CLASP1: variants seen among roughly 807,000 people sequenced by gnomAD.
The protein encoded by CLASP1 is cytoplasmic linker associated protein 1.
In CLASP1, 38 loss-of-function variants were observed where a neutral mutation model predicts 192.3. That is an observed-to-expected ratio of 0.20 (90% CI 0.15 to 0.26). The LOEUF (loss-of-function observed/expected upper bound fraction) is 0.26. CLASP1 is among the 10% of genes least tolerant of loss of function. The probability of loss-of-function intolerance (pLI) is 1.00; values close to 1 mark genes in which losing one functional copy is unlikely to be tolerated. For missense variants in CLASP1, 1,433 were observed against 1,932.5 expected (o/e 0.74, Z 4.85); for synonymous variants, 691 against 712.8 (o/e 0.97, Z 0.49).
chr2:121,494,263 C>A (rs141393389), intron 8 of CLASP1, among the ~76,000 whole-genome samples: 1 of 152,148 alleles, frequency 6.6e-6, no homozygotes, highest in Non-Finnish European at 1.5e-5. Context: ...CAGTACTATT[C>A]AGCCATAAAA....
chr2:121,500,344 AAAAGAAAGAAAGAAAGAAAGAAAG>A lies in CLASP1; in HGVS notation c.712+2799_712+2822del, dbSNP rs201022141. The stretch of plus-strand genomic sequence containing the variant: ...AGGAAGAGAAAGAAGGAAAGAAAGA[AAAAGAAAGAAAGAAAGAAAGAAAG>A]AAAGAAAGAAAGAAAGAAAGAAAGA... On this transcript the variant is annotated intron_variant, in intron 8 of 39. Transcript: ENST00000263710. 2.3e-3 allele frequency among the ~76,000 whole-genome samples: 270 copies of A among 119,304 alleles called. 2 individuals carry two copies. Among genetic ancestry groups the A allele is most frequent in the African/African-American group, 3.8e-3 (120 of 31,436 alleles). The allele number at this position is 119,304 out of a possible 152,430, so 78.3% of individuals were successfully genotyped here. A position where few individuals can be genotyped will look rare whatever the true frequency, so the allele number is the denominator to read the frequency against.
chr2:121,413,570 CTG>C (rs2078077761), intron 23 of CLASP1, among the ~76,000 whole-genome samples: 1 of 152,174 alleles, frequency 6.6e-6, no homozygotes, highest in Non-Finnish European at 1.5e-5. Flanking sequence ...GGTTTGCAGG[CTG>C]CAAAGGATAC....
At chr2:121,534,890 A>G (rs957427575) in intron 2 of CLASP1, among the ~76,000 whole-genome samples, 1 of 152,214 alleles carries the variant, frequency 6.6e-6, no homozygotes, top group Non-Finnish European at 1.5e-5. Context: ...CCAGTCACAC[A>G]GGACAAAGTG....
At chr2:121,423,177 A>G (rs1183826136) in intron 22 of CLASP1, among the ~76,000 whole-genome samples, 2 of 152,142 alleles carry the variant, frequency 1.3e-5, no homozygotes, top group Non-Finnish European at 2.9e-5. Flanking sequence ...ATTTAAAGAA[A>G]ATATCTTCTT....
intron 36 of CLASP1, 99 bp downstream of exon 37, chr2:121,364,990 AAGCAC>A: frequency 9.5e-7 from 1 of 1,058,138 alleles, no homozygotes; most frequent in Non-Finnish European, 1.4e-6. Flanking sequence ...TGTAAACAGT[AAGCAC>A]AACCCAGAAA....
intron 1 of CLASP1, among the ~76,000 whole-genome samples, chr2:121,644,045 AAC>A (rs2106356266): frequency 6.6e-6 from 1 of 152,296 alleles, no homozygotes; most frequent in Non-Finnish European, 1.5e-5. Flanking sequence ...TTACCGACTT[AAC>A]ACATACCAGT....
intron 34 of CLASP1, among the ~76,000 whole-genome samples, chr2:121,371,200 A>AGTGTGTGTGT (rs60214641): frequency 1.3e-5 from 2 of 150,348 alleles, no homozygotes; most frequent in Non-Finnish European, 3.0e-5. Flanking sequence ...GCACATATTA[A>AGTGTGTGTGT]GTGTGTGTGT....
Position 121,529,388 on chromosome 2 carries a change from G to C in CLASP1, c.275-608C>G, listed in dbSNP as rs546317146. Among the ~76,000 whole-genome samples the C allele has an allele frequency of 1.8e-4, 27 of 152,262 alleles. No individual in the cohort carries two copies. The South Asian group carries it at 5.6e-3, about 32-fold the overall frequency. The stretch of plus-strand genomic sequence containing the variant: ...ATCCCTGAATAATTCAGCTAATTTA[G>C]GAGGAAAATGGAACACTATTAAAAT... On this transcript the variant is annotated intron_variant, in intron 3 of 39. Transcript: ENST00000263710.
chr2:121,449,308 T>C (rs1050347092), intron 16 of CLASP1, among the ~76,000 whole-genome samples, 188 bp from the exon 17 acceptor site: 2 of 152,212 alleles, frequency 1.3e-5, no homozygotes, highest in African/African-American at 2.4e-5. Context: ...TACTGTCTTT[T>C]AGACTATGGG....
At chr2:121,370,998 C>T (rs1321453887) in intron 34 of CLASP1, among the ~76,000 whole-genome samples, 1 of 152,158 alleles carries the variant, frequency 6.6e-6, no homozygotes, top group Non-Finnish European at 1.5e-5. Flanking sequence ...CGGAAAAGCA[C>T]TCATGCCCTA....
At chr2:121,454,155 C>A (rs141147915) in intron 14 of CLASP1, among the ~76,000 whole-genome samples, 10 of 151,898 alleles carry the variant, frequency 6.6e-5, no homozygotes, top group African/African-American at 1.5e-4. Context: ...CCTGCCCACC[C>A]CCCCCTCCAA....
At chr2:121,598,269 G>A (rs1303823948) in intron 2 of CLASP1, among the ~76,000 whole-genome samples, 1 of 152,170 alleles carries the variant, frequency 6.6e-6, no homozygotes, top group East Asian at 1.9e-4. Context: ...TACTACCAAA[G>A]AAAGTTCAAG....
chr2:121,340,008 A>T (rs2062637739), exon 40 of CLASP1: 1 of 152,198 alleles, frequency 6.6e-6, no homozygotes, highest in Non-Finnish European at 1.5e-5. Context: ...CCATGACAAC[A>T]GTGTTCCCAA....
chr2:121,630,409 C>T (rs1005068019), intron 1 of CLASP1, among the ~76,000 whole-genome samples: 4 of 151,722 alleles, frequency 2.6e-5, no homozygotes, highest in African/African-American at 9.7e-5. Flanking sequence ...CACACACACA[C>T]ACACACACAC....
intron 8 of CLASP1, among the ~76,000 whole-genome samples, chr2:121,481,236 A>G (rs1233013547): frequency 1.3e-5 from 2 of 152,240 alleles, no homozygotes; most frequent in East Asian, 3.8e-4. Flanking sequence ...CTCTTCAAAA[A>G]TATTTCAATA....
intron 14 of CLASP1, among the ~76,000 whole-genome samples, chr2:121,457,408 C>T (rs1215591733): frequency 1.3e-5 from 2 of 151,780 alleles, no homozygotes; most frequent in Non-Finnish European, 2.9e-5. Context: ...AGTCCTCTCC[C>T]CTTCTCCTTC....
At chr2:121,548,727 T>C (rs994760974) in intron 2 of CLASP1, among the ~76,000 whole-genome samples, 1 of 151,934 alleles carries the variant, frequency 6.6e-6, no homozygotes, top group South Asian at 2.1e-4. Flanking sequence ...GCTGAAACCC[T>C]GTAAGTCAGA....
exon 30 of CLASP1, chr2:121,397,231 G>A (rs2075428653): frequency 1.9e-6 from 3 of 1,613,712 alleles, no homozygotes; most frequent in Non-Finnish European, 2.5e-6. Flanking sequence ...AAAATCTGTT[G>A]GATCCATCTG....
chr2:121,401,516 C>A, exon 28 of CLASP1: 5 of 1,610,316 alleles, frequency 3.1e-6, no homozygotes, highest in Non-Finnish European at 4.2e-6. Context: ...TACCTTGTGA[C>A]ATCTAGAGCC....
Sources: gnomAD v4.1 joint callset for allele counts (sites outside exome capture counted in the v4.1 genomes callset) on GRCh38, gnomAD v4.1.1 for gene constraint, MANE v1.5 for transcripts, NCBI Gene and HGNC (gene_info 2026-07-23, HGNC 2026-07-21) for gene names.